SLC38A8: variants seen among roughly 807,000 people sequenced by gnomAD.
SLC38A8 encodes the protein amino acid transporter SLC38A8.
SLC38A8 carries 65 observed loss-of-function variants against 46.0 expected under a neutral mutation model. The observed-to-expected ratio is 1.41, with a 90% CI of 1.16 to 1.74. SLC38A8 has a LOEUF of 1.74. SLC38A8 is among the 40% of genes most tolerant of loss of function. The probability of loss-of-function intolerance (pLI) is 0.00; values close to 1 mark genes in which losing one functional copy is unlikely to be tolerated. For missense variants in SLC38A8, 998 were observed against 567.9 expected (o/e 1.76, Z -7.70); for synonymous variants, 447 against 243.7 (o/e 1.83, Z -7.77).
At chr16:84,033,270 C>A (rs914759762) in intron 4 of SLC38A8, 58 bp downstream of exon 4, 1 of 1,611,654 alleles carries the variant, frequency 6.2e-7, no homozygotes, top group East Asian at 2.2e-5. Context: ...GGACAGAAAC[C>A]CTGACACAAA....
chr16:84,022,335 T>C (rs1597258818), intron 7 of SLC38A8, among the ~76,000 whole-genome samples: 1 of 152,186 alleles, frequency 6.6e-6, no homozygotes, highest in East Asian at 1.9e-4. Flanking sequence ...CACACTTTCA[T>C]CACCTTTAAA....
intron 7 of SLC38A8, among the ~76,000 whole-genome samples, chr16:84,020,327 G>A (rs897052825): frequency 5.9e-5 from 9 of 152,070 alleles, no homozygotes; most frequent in Non-Finnish European, 1.2e-4. Flanking sequence ...AAATGTTTTT[G>A]TAGAGACAGG....
At chr16:84,043,136 G>C (rs960173409), upstream of SLC38A8, among the ~76,000 whole-genome samples, 1 of 152,184 alleles carries the variant, frequency 6.6e-6, no homozygotes, top group Non-Finnish European at 1.5e-5. Context: ...ACTCCAGCAG[G>C]TGCGTCTCAG....
At chr16:84,011,625 T>C (rs187120330) in intron 10 of SLC38A8, among the ~76,000 whole-genome samples, 140 of 152,324 alleles carry the variant, frequency 9.2e-4, no homozygotes, top group African/African-American at 3.3e-3. Context: ...TGCCAGCTTA[T>C]CTGGAAACTG....
intron 7 of SLC38A8, among the ~76,000 whole-genome samples, chr16:84,022,042 C>G (rs1187473684): frequency 6.6e-6 from 1 of 152,236 alleles, no homozygotes; most frequent in African/African-American, 2.4e-5. Flanking sequence ...AGGCCTCATG[C>G]CCCAATCCCC....
intron 4 of SLC38A8, among the ~76,000 whole-genome samples, chr16:84,032,427 T>C (rs762219568): frequency 1.3e-5 from 2 of 152,220 alleles, no homozygotes; most frequent in African/African-American, 4.8e-5. Flanking sequence ...GACCTCGTGA[T>C]CTGCCTGCCT....
chr16:84,010,851 A>G (rs1170273137), intron 10 of SLC38A8, among the ~76,000 whole-genome samples: 1 of 152,122 alleles, frequency 6.6e-6, no homozygotes, highest in Non-Finnish European at 1.5e-5. Flanking sequence ...AATGAAGGAG[A>G]AGACGCAAGC....
intron 3 of SLC38A8, among the ~76,000 whole-genome samples, chr16:84,035,136 A>C (rs530859145): frequency 1.2e-4 from 19 of 152,324 alleles, no homozygotes; most frequent in African/African-American, 4.6e-4. Flanking sequence ...CTGACTAGTC[A>C]GGGGGCTCCG....
intron 7 of SLC38A8, among the ~76,000 whole-genome samples, chr16:84,019,504 C>T (rs995245231): frequency 1.3e-5 from 2 of 152,226 alleles, no homozygotes; most frequent in Non-Finnish European, 2.9e-5. Context: ...TTCTTAAAGG[C>T]CCCACCTCTC....
chr16:84,032,147 G>C (rs965791833), intron 4 of SLC38A8, among the ~76,000 whole-genome samples, 179 bp from the exon 5 acceptor site: 3 of 151,742 alleles, frequency 2.0e-5, no homozygotes, highest in Non-Finnish European at 2.9e-5. Context: ...GGCTGCTTTG[G>C]GGTCAAGGGG....
rs182104896 is a variant in SLC38A8 at position 84,034,523 on chromosome 16, A to G, written c.389-1054T>C. Among the ~76,000 whole-genome samples, 3 of 152,290 alleles carry G rather than the reference A, an allele frequency of 2.0e-5. No individual in the cohort carries two copies. In the East Asian group the frequency reaches 5.8e-4, roughly 29 times the overall value. Reference sequence around the variant, plus strand: ...GGTGGGTGAGGTGGCCCCTGCAACCACTGGAGATGGGAGGCCGAGGAGCTT... The same window carrying G: ...GGTGGGTGAGGTGGCCCCTGCAACCGCTGGAGATGGGAGGCCGAGGAGCTT... On this transcript the variant is annotated intron_variant, in intron 3 of 10. Transcript: ENST00000299709.
At chr16:84,017,758 T>G (rs1383910002) in intron 7 of SLC38A8, among the ~76,000 whole-genome samples, 1 of 152,174 alleles carries the variant, frequency 6.6e-6, no homozygotes, top group Non-Finnish European at 1.5e-5. Flanking sequence ...CGCCATTCCC[T>G]TTGCGCCAAC....
At chr16:84,029,726 C>A (rs939533870) in intron 5 of SLC38A8, among the ~76,000 whole-genome samples, 175 bp from the exon 6 acceptor site, 4 of 145,792 alleles carry the variant, frequency 2.7e-5, no homozygotes, top group Non-Finnish European at 6.2e-5. Context: ...AGGATGCTGG[C>A]TAAATGCTGC....
chr16:84,032,997 TG>T (rs201740881), intron 4 of SLC38A8, among the ~76,000 whole-genome samples: 722 of 31,574 alleles, frequency 0.023, 7 homozygotes, highest in African/African-American at 0.085. Context: ...TGGGTGTGCA[TG>T]GGGGGGTGTG....
At chr16:84,021,669 G>A (rs551999969) in intron 7 of SLC38A8, among the ~76,000 whole-genome samples, 6 of 152,272 alleles carry the variant, frequency 3.9e-5, no homozygotes, top group South Asian at 2.1e-4. Context: ...CTCCAAAGCC[G>A]CTTCCACGTT....
intron 6 of SLC38A8, among the ~76,000 whole-genome samples, chr16:84,027,758 T>A (rs2085182329): frequency 6.6e-6 from 1 of 152,178 alleles, no homozygotes; most frequent in Non-Finnish European, 1.5e-5. Context: ...CCAGGCCTCG[T>A]TGCTAGGAGA....
At chr16:84,028,597 G>C (rs919978120) in intron 6 of SLC38A8, among the ~76,000 whole-genome samples, 3 of 151,090 alleles carry the variant, frequency 2.0e-5, no homozygotes, top group African/African-American at 7.3e-5. Context: ...AGAAATGGAA[G>C]AGCAGTGTCT....
intron 3 of SLC38A8, among the ~76,000 whole-genome samples, chr16:84,036,210 G>A (rs552658332): frequency 4.4e-4 from 67 of 152,352 alleles, no homozygotes; most frequent in African/African-American, 1.6e-3. Context: ...GTGAAAAGGA[G>A]CAAATATTTT....
At chr16:84,037,252 A>AGGC (rs2085310740) in intron 2 of SLC38A8, among the ~76,000 whole-genome samples, 1 of 152,236 alleles carries the variant, frequency 6.6e-6, no homozygotes, top group South Asian at 2.1e-4. Context: ...GAGAGGCAGT[A>AGGC]GGCGTGGTGG....
Sources: gnomAD v4.1 joint callset for allele counts (sites outside exome capture counted in the v4.1 genomes callset) on GRCh38, gnomAD v4.1.1 for gene constraint, MANE v1.5 for transcripts, NCBI Gene and HGNC (gene_info 2026-07-23, HGNC 2026-07-21) for gene names.